The following DSCAML1 variants were observed in gnomAD, a reference collection of about 807,000 sequenced individuals.
The protein encoded by DSCAML1 is cell adhesion molecule DSCAML1.
In DSCAML1, 38 loss-of-function variants were observed where a neutral mutation model predicts 200.5. The observed-to-expected ratio is 0.19, with a 90% CI of 0.15 to 0.25. DSCAML1 has a LOEUF of 0.25. DSCAML1 is among the 10% of genes least tolerant of loss of function. DSCAML1 has a pLI of 1.00. For synonymous variants in DSCAML1, 1,215 were observed against 1,165.0 expected (o/e 1.04, Z -0.87); for missense variants, 2,223 against 2,858.8 (o/e 0.78, Z 5.07).
At chr11:117,512,726 A>C (rs543015241) in intron 8 of DSCAML1, among the ~76,000 whole-genome samples, 3 of 146,558 alleles carry the variant, frequency 2.0e-5, no homozygotes, top group South Asian at 4.4e-4. Flanking sequence ...CTGGGGACTC[A>C]CACGTGGCCA....
intron 3 of DSCAML1, among the ~76,000 whole-genome samples, chr11:117,610,049 C>T (rs1053367280): frequency 6.6e-6 from 1 of 152,232 alleles, no homozygotes; most frequent in African/African-American, 2.4e-5. Flanking sequence ...CACCTCCCCT[C>T]AGACAAACCC....
chr11:117,635,636 G>A (rs1340576523), intron 3 of DSCAML1, among the ~76,000 whole-genome samples: 1 of 151,754 alleles, frequency 6.6e-6, no homozygotes, highest in Admixed American at 6.6e-5. Flanking sequence ...AGATCAGAGG[G>A]ATCAAAACAG....
At chr11:117,535,026 C>T (rs918306467) in intron 3 of DSCAML1, among the ~76,000 whole-genome samples, 24 of 152,112 alleles carry the variant, frequency 1.6e-4, no homozygotes, top group African/African-American at 4.8e-4. Flanking sequence ...TCCTCCCTCC[C>T]GCACATCTCT....
At chr11:117,727,239 C>T (rs2137809396) in intron 3 of DSCAML1, among the ~76,000 whole-genome samples, 1 of 152,304 alleles carries the variant, frequency 6.6e-6, no homozygotes. Context: ...TTCTGCCTCT[C>T]TTCCAATAGG....
In DSCAML1 at chr11:117,697,833, G is replaced by A. The variant is rs376352991; in HGVS notation, c.511+78958C>T. The stretch of plus-strand genomic sequence containing the variant: ...GTCGCCGAGGCTGGAGTGCAGTGGC[G>A]TGATCTTGGCTCACTGCAACCTCCA... On this transcript the variant is annotated intron_variant, in intron 3 of 32. Coordinates refer to ENST00000651296, the MANE Select transcript of DSCAML1 (RefSeq NM_020693.4). Among the ~76,000 whole-genome samples the A allele has an allele frequency of 2.5e-4, 37 of 150,268 alleles. No individual in the cohort carries two copies. In the South Asian group the frequency reaches 7.0e-3, roughly 28 times the overall value.
intron 11 of DSCAML1, among the ~76,000 whole-genome samples, chr11:117,497,098 C>T (rs1037835200): frequency 6.6e-6 from 1 of 152,114 alleles, no homozygotes. Context: ...CACATGCCCT[C>T]GAGTCTCCAC....
At chr11:117,605,303 G>A (rs905418214) in intron 3 of DSCAML1, among the ~76,000 whole-genome samples, 38 of 152,114 alleles carry the variant, frequency 2.5e-4, no homozygotes, top group African/African-American at 9.2e-4. Context: ...GATGAGACTG[G>A]AAAGATGGGG....
At chr11:117,756,860 G>A (rs1307865467) in intron 3 of DSCAML1, among the ~76,000 whole-genome samples, 2 of 152,196 alleles carry the variant, frequency 1.3e-5, no homozygotes, top group Non-Finnish European at 2.9e-5. Flanking sequence ...TGACACAACA[G>A]GGCACGCTCA....
At chr11:117,581,415 T>C (rs1258310733) in intron 3 of DSCAML1, among the ~76,000 whole-genome samples, 1 of 152,112 alleles carries the variant, frequency 6.6e-6, no homozygotes, top group Admixed American at 6.5e-5. Context: ...ACAGAACAGT[T>C]CCATCCCCTG....
intron 3 of DSCAML1, among the ~76,000 whole-genome samples, chr11:117,734,779 G>T (rs2054288903): frequency 6.6e-6 from 1 of 152,204 alleles, no homozygotes; most frequent in Non-Finnish European, 1.5e-5. Context: ...AGTACATGAT[G>T]AGTGGGAGGA....
At position 117,447,461 on chromosome 11, in the gene DSCAML1, TACCAGTGTTTATCTGTAGGAAGTACATC is replaced by T. The variant is rs540915791; in HGVS notation, c.3708+3060_3708+3087del. ...ACAGATCAAAGACTGGAAGACTATA[TACCAGTGTTTATCTGTAGGAAGTACATC>T]ACCAGTGTTTATCTGTAGGAAGTAC... On this transcript the variant is annotated intron_variant, in intron 20 of 32. Coordinates refer to ENST00000651296, the MANE Select transcript of DSCAML1 (RefSeq NM_020693.4). Among the ~76,000 whole-genome samples, 616 of 152,360 alleles carry T rather than the reference TACCAGTGTTTATCTGTAGGAAGTACATC, an allele frequency of 4.0e-3. 5 individuals carry two copies. Among genetic ancestry groups the T allele is most frequent in the African/African-American group, 0.014 (562 of 41,580 alleles).
At chr11:117,486,748 G>C (rs2049076886) in intron 11 of DSCAML1, among the ~76,000 whole-genome samples, 2 of 152,074 alleles carry the variant, frequency 1.3e-5, no homozygotes, top group Non-Finnish European at 2.9e-5. Context: ...GCATTGCAGA[G>C]CCCAGATGAA....
At chr11:117,713,114 C>T (rs116581065) in intron 3 of DSCAML1, among the ~76,000 whole-genome samples, 2,109 of 152,202 alleles carry the variant, frequency 0.014, 48 homozygotes, top group African/African-American at 0.048. Flanking sequence ...ATTCCCAATG[C>T]CGTTTTTTGG....
chr11:117,507,340 G>A (rs1246337052), intron 8 of DSCAML1, among the ~76,000 whole-genome samples: 1 of 152,172 alleles, frequency 6.6e-6, no homozygotes, highest in African/African-American at 2.4e-5. Flanking sequence ...CATCCAGAGT[G>A]GCCACAGTGG....
At chr11:117,722,861 A>G (rs1362049360) in intron 3 of DSCAML1, among the ~76,000 whole-genome samples, 4 of 152,174 alleles carry the variant, frequency 2.6e-5, no homozygotes, top group Admixed American at 2.6e-4. Context: ...TTCTAGAAAC[A>G]GTAGTTCCCA....
chr11:117,612,741 A>T (rs957422568), intron 3 of DSCAML1, among the ~76,000 whole-genome samples: 1 of 152,142 alleles, frequency 6.6e-6, no homozygotes, highest in Admixed American at 6.5e-5. Flanking sequence ...TCCTGGTGGG[A>T]TGGGCATCGT....
At position 117,428,521 on chromosome 11, in the gene DSCAML1, G is replaced by A. The variant is rs748130077; in HGVS notation, c.5969C>T (p.Pro1990Leu). 2 of 1,500,062 alleles carry A rather than the reference G, an allele frequency of 1.3e-6. No homozygotes were observed. Among genetic ancestry groups the A allele is most frequent in the Admixed American group, 2.0e-5 (1 of 49,052 alleles). The allele number at this position is 1,500,062 out of a possible 1,614,324, so 92.9% of individuals were successfully genotyped here. ...PAGTAPPAPG[P>L]TPAEPPTAPS... ...GGCGGTGGGTGGCTCAGCAGGGGTG[G>A]GGCCGGGGGCTGGGGGGGCTGTGCC... The change falls in exon 33 of 33, where the codon CCC (proline) becomes CTC (leucine). Residue 1990 changes from proline (P) to leucine (L), a missense_variant. This residue lies in a region of DSCAML1 where 280 missense variants were observed against 213.4 expected (regional missense o/e 1.31). Transcript: ENST00000651296.
At chr11:117,491,196 A>G (rs2049175243) in intron 11 of DSCAML1, among the ~76,000 whole-genome samples, 1 of 152,208 alleles carries the variant, frequency 6.6e-6, no homozygotes, top group Non-Finnish European at 1.5e-5. Context: ...GAACTCCAAA[A>G]GGAAGCCTGG....
intron 8 of DSCAML1, among the ~76,000 whole-genome samples, chr11:117,507,284 C>G (rs1350573253): frequency 6.6e-6 from 1 of 152,228 alleles, no homozygotes; most frequent in African/African-American, 2.4e-5. Flanking sequence ...CTCCCAGGCA[C>G]CAGCCGCACC....
Sources: allele counts gnomAD v4.1 joint callset (sites outside exome capture counted in the v4.1 genomes callset), GRCh38; gene constraint gnomAD v4.1.1; regional missense constraint gnomAD v4.1.1; transcripts MANE v1.5; gene names NCBI Gene and HGNC (gene_info 2026-07-23, HGNC 2026-07-21).